The following GNG12 variants were observed in gnomAD, a reference collection of about 807,000 sequenced individuals.
GNG12 encodes guanine nucleotide-binding protein G(I)/G(S)/G(O) subunit gamma-12.
For synonymous variants in GNG12, 28 were observed against 29.7 expected (o/e 0.94, Z 0.19); for missense variants, 69 against 83.8 (o/e 0.82, Z 0.69).
At chr1:67,801,034 T>C (rs899861225) in intron 1 of GNG12, among the ~76,000 whole-genome samples, 11 of 150,946 alleles carry the variant, frequency 7.3e-5, no homozygotes, top group African/African-American at 2.7e-4. Flanking sequence ...TGTTTAAAGG[T>C]AAAGGAGGTT....
At chr1:67,713,078 A>AG (rs558855574) in intron 2 of GNG12, among the ~76,000 whole-genome samples, 114 of 152,288 alleles carry the variant, frequency 7.5e-4, no homozygotes, top group African/African-American at 2.7e-3. Context: ...GACCTAAAGT[A>AG]GGGGGCTTGC....
At chr1:67,719,957 A>C (rs1479767818) in intron 2 of GNG12, among the ~76,000 whole-genome samples, 1 of 152,266 alleles carries the variant, frequency 6.6e-6, no homozygotes, top group East Asian at 1.9e-4. Context: ...CCAACACATC[A>C]GCCAGCCTGA....
intron 1 of GNG12, among the ~76,000 whole-genome samples, chr1:67,783,368 G>A (rs1400260340): frequency 2.0e-5 from 3 of 152,130 alleles, no homozygotes; most frequent in Non-Finnish European, 4.4e-5. Flanking sequence ...TCCTAACGGT[G>A]AAATTACTGG....
chr1:67,714,562 T>C (rs367897469), intron 2 of GNG12, among the ~76,000 whole-genome samples: 1 of 152,218 alleles, frequency 6.6e-6, no homozygotes, highest in African/African-American at 2.4e-5. Flanking sequence ...ATCTGCATCC[T>C]CTTACACACT....
rs781762407 is a variant in GNG12 at position 67,754,260 on chromosome 1, T to A, written c.-27+23198A>T. On this transcript the variant is annotated intron_variant, in intron 2 of 3. Coordinates refer to ENST00000370982, the MANE Select transcript of GNG12 (RefSeq NM_018841.6). ...CAGCTTGGTCCCAACCACGCCTACC[T>A]CCCACACACTAAGCCCCGGTCATAC... Among the ~76,000 whole-genome samples, 213 of 152,112 alleles carry A rather than the reference T, an allele frequency of 1.4e-3. 1 individual carries two copies. The highest frequency in any genetic ancestry group is 2.2e-3 in the Non-Finnish European group (149 of 67,990).
intron 1 of GNG12, among the ~76,000 whole-genome samples, chr1:67,824,534 C>CAAGAA (rs975346990): frequency 1.5e-5 from 2 of 136,296 alleles, no homozygotes; most frequent in African/African-American, 5.5e-5. Context: ...AAAAAGGAAG[C>CAAGAA]AAGAAAAGAA....
chr1:67,799,251 C>A (rs1490475905), intron 1 of GNG12, among the ~76,000 whole-genome samples: 2 of 152,134 alleles, frequency 1.3e-5, no homozygotes, highest in Non-Finnish European at 2.9e-5. Flanking sequence ...AACATGGCTA[C>A]CCATTTTTAC....
intron 2 of GNG12, among the ~76,000 whole-genome samples, chr1:67,769,166 C>T (rs1221859763): frequency 6.6e-6 from 1 of 152,202 alleles, no homozygotes; most frequent in Non-Finnish European, 1.5e-5. Context: ...GAGACTCCAA[C>T]TTTAGCTGAC....
At chr1:67,712,507 T>C (rs1249888890) in intron 2 of GNG12, among the ~76,000 whole-genome samples, 5 of 152,232 alleles carry the variant, frequency 3.3e-5, no homozygotes, top group African/African-American at 9.6e-5. Context: ...CCTGGGAACA[T>C]AGTAAAAACT....
At chr1:67,737,218 C>T (rs1344570695) in intron 2 of GNG12, among the ~76,000 whole-genome samples, 1 of 152,172 alleles carries the variant, frequency 6.6e-6, no homozygotes, top group Non-Finnish European at 1.5e-5. Flanking sequence ...TAGTCTTTTG[C>T]ATTGCCAAAT....
intron 1 of GNG12, among the ~76,000 whole-genome samples, chr1:67,825,336 T>C (rs185136748): frequency 7.9e-5 from 12 of 152,310 alleles, no homozygotes; most frequent in South Asian, 6.2e-4. Context: ...ACAAGGTGTA[T>C]TGTCTCCAGA....
chr1:67,826,575 A>G (rs913146062), intron 1 of GNG12, among the ~76,000 whole-genome samples: 11 of 152,208 alleles, frequency 7.2e-5, no homozygotes, highest in African/African-American at 2.7e-4. Context: ...CCATGGTCTA[A>G]TAATTCAGAA....
At chr1:67,713,310 T>G (rs1646307114) in intron 2 of GNG12, among the ~76,000 whole-genome samples, 1 of 152,230 alleles carries the variant, frequency 6.6e-6, no homozygotes, top group African/African-American at 2.4e-5. Flanking sequence ...TTTTTGCATA[T>G]GGGTAACAGA....
At chr1:67,811,804 G>A (rs531084085) in intron 1 of GNG12, among the ~76,000 whole-genome samples, 2 of 151,272 alleles carry the variant, frequency 1.3e-5, no homozygotes, top group Non-Finnish European at 3.0e-5. Flanking sequence ...GCAGTAAGCA[G>A]TAGACATGTC....
At chr1:67,808,116 G>A (rs924627784) in intron 1 of GNG12, among the ~76,000 whole-genome samples, 7 of 151,998 alleles carry the variant, frequency 4.6e-5, no homozygotes, top group Admixed American at 3.3e-4. Context: ...CTACCAAAGC[G>A]GATTTACCTC....
intron 2 of GNG12, among the ~76,000 whole-genome samples, chr1:67,742,622 A>T (rs72922775): frequency 0.056 from 8,491 of 152,262 alleles, 719 homozygotes; most frequent in African/African-American, 0.18. Flanking sequence ...GGCAAAAAAC[A>T]GTGTGTATAA....
At chr1:67,735,257 C>G (rs1022411497) in intron 2 of GNG12, among the ~76,000 whole-genome samples, 1 of 152,196 alleles carries the variant, frequency 6.6e-6, no homozygotes, top group Non-Finnish European at 1.5e-5. Context: ...TTCTTTCACG[C>G]AAGACTTCTC....
At chr1:67,736,158 G>C (rs1646451063) in intron 2 of GNG12, among the ~76,000 whole-genome samples, 1 of 152,134 alleles carries the variant, frequency 6.6e-6, no homozygotes, top group African/African-American at 2.4e-5. Flanking sequence ...TGCAGGAACT[G>C]TGGGAGAAGA....
intron 2 of GNG12, among the ~76,000 whole-genome samples, chr1:67,776,823 G>A (rs1342152627): frequency 6.6e-6 from 1 of 152,224 alleles, no homozygotes; most frequent in Middle Eastern, 3.4e-3. Context: ...GTAAATTTTG[G>A]GGTGGTTTGT....
Sources: allele counts gnomAD v4.1 joint callset (sites outside exome capture counted in the v4.1 genomes callset), GRCh38; gene constraint gnomAD v4.1.1; transcripts MANE v1.5; gene names NCBI Gene and HGNC (gene_info 2026-07-23, HGNC 2026-07-21).